The following CHRM3 variants were observed in gnomAD, a reference collection of about 807,000 sequenced individuals.
CHRM3 encodes the protein muscarinic acetylcholine receptor M3.
A neutral mutation model predicts 41.8 loss-of-function variants in CHRM3; 11 were observed. The observed-to-expected ratio is 0.26, with a 90% CI of 0.17 to 0.44. CHRM3 has a LOEUF of 0.44. Among genes scored for constraint, CHRM3 ranks in the 20% least tolerant of loss-of-function variants. The probability of loss-of-function intolerance (pLI) is 1.00; values close to 1 mark genes in which losing one functional copy is unlikely to be tolerated. For missense variants in CHRM3, 571 were observed against 745.4 expected, an observed-to-expected ratio of 0.77 and a Z score of 2.72; for synonymous variants, 297 against 301.4, an observed-to-expected ratio of 0.99 and a Z score of 0.15.
chr1:239,743,585 C>T (rs1665048185), intron 5 of CHRM3, among the ~76,000 whole-genome samples: 1 of 152,066 alleles, frequency 6.6e-6, no homozygotes, highest in Admixed American at 6.6e-5. Flanking sequence ...AGTTCTTCCA[C>T]TTCACATACG....
chr1:239,601,019 C>A (rs191602909), intron 3 of CHRM3, among the ~76,000 whole-genome samples: 15 of 152,252 alleles, frequency 9.9e-5, no homozygotes, highest in African/African-American at 3.1e-4. Flanking sequence ...AATTTTAAAG[C>A]TTAATGATAG....
intron 3 of CHRM3, among the ~76,000 whole-genome samples, chr1:239,585,196 A>G (rs1663287491): frequency 6.6e-6 from 1 of 152,106 alleles, no homozygotes; most frequent in Non-Finnish European, 1.5e-5. Context: ...TGCTAAAAGG[A>G]TAATAATCTG....
intron 5 of CHRM3, among the ~76,000 whole-genome samples, chr1:239,817,023 G>T (rs1050021144): frequency 1.3e-5 from 2 of 152,096 alleles, no homozygotes; most frequent in Admixed American, 6.6e-5. Flanking sequence ...ACGCCCAGCT[G>T]CCTCAGTCTT....
intron 1 of CHRM3, among the ~76,000 whole-genome samples, chr1:239,458,580 G>A (rs1572374167): frequency 6.6e-6 from 1 of 152,128 alleles, no homozygotes; most frequent in African/African-American, 2.4e-5. Context: ...ATAAAGTAAA[G>A]CATAATAATT....
chr1:239,616,523 A>C (rs536719836), intron 3 of CHRM3, among the ~76,000 whole-genome samples: 1 of 152,326 alleles, frequency 6.6e-6, no homozygotes, highest in African/African-American at 2.4e-5. Flanking sequence ...GCCAGCAGGA[A>C]AAAGCTGTAT....
chr1:239,597,776 C>T (rs2148669065), intron 3 of CHRM3, among the ~76,000 whole-genome samples: 1 of 149,872 alleles, frequency 6.7e-6, no homozygotes, highest in Admixed American at 6.6e-5. Context: ...CAGCATTTCT[C>T]ATCTTCTGTA....
chr1:239,605,944 C>T (rs893642633), intron 3 of CHRM3: 1 of 152,078 alleles, frequency 6.6e-6, no homozygotes, highest in Non-Finnish European at 1.5e-5. Flanking sequence ...TTACCATGGT[C>T]AAAACTATTT....
chr1:239,573,764 G>A (rs747197100), intron 3 of CHRM3, among the ~76,000 whole-genome samples: 3 of 152,016 alleles, frequency 2.0e-5, no homozygotes, highest in African/African-American at 4.8e-5. Context: ...CAAGCATTTT[G>A]TGTGTATATA....
intron 5 of CHRM3, among the ~76,000 whole-genome samples, chr1:239,688,708 A>T: frequency 7.5e-6 from 1 of 133,722 alleles, no homozygotes; most frequent in Admixed American, 8.3e-5. Context: ...TATTATATAT[A>T]ATACATTATT....
At chr1:239,794,653 G>C (rs1448038506) in intron 5 of CHRM3, among the ~76,000 whole-genome samples, 1 of 152,040 alleles carries the variant, frequency 6.6e-6, no homozygotes, top group African/African-American at 2.4e-5. Flanking sequence ...TACAAATTCG[G>C]TGGCTTATTT....
intron 3 of CHRM3, among the ~76,000 whole-genome samples, chr1:239,592,927 C>A (rs1448273241): frequency 6.6e-6 from 1 of 152,024 alleles, no homozygotes. Context: ...TCCCACTCCA[C>A]CCCAGATCCG....
intron 5 of CHRM3, among the ~76,000 whole-genome samples, chr1:239,753,573 C>A (rs1376642868): frequency 1.3e-5 from 2 of 152,124 alleles, no homozygotes; most frequent in African/African-American, 4.8e-5. Flanking sequence ...GGGAGAAATC[C>A]ACCCCCATGA....
chr1:239,617,565 C>A (rs1667770356), intron 3 of CHRM3, among the ~76,000 whole-genome samples: 1 of 151,978 alleles, frequency 6.6e-6, no homozygotes, highest in Admixed American at 6.6e-5. Flanking sequence ...TCTCTACAAA[C>A]AAATTTAAAA....
chr1:239,404,382 A>AAG (rs1409439857), intron 1 of CHRM3, among the ~76,000 whole-genome samples: 3 of 78,458 alleles, frequency 3.8e-5, no homozygotes, highest in African/African-American at 1.6e-4. Flanking sequence ...GAAAGAAAGA[A>AAG]AGAAAGAAAG....
Position 239,722,255 on chromosome 1 carries a change from CT to C in CHRM3, c.-147+43970del, listed in dbSNP as rs543950297. ...CAATTTTCACTCTTGTGAAATGCAT[CT>C]TTGTTTCAGTCAGGTTGACTCAATA... is the stretch of plus-strand genomic sequence containing the variant. On this transcript the variant is annotated intron_variant, in intron 5 of 6. Coordinates refer to ENST00000676153, the MANE Select transcript of CHRM3 (RefSeq NM_001375978.1). 6.6e-5 allele frequency among the ~76,000 whole-genome samples: 10 copies of C among 151,952 alleles called. No individual in the cohort carries two copies. The South Asian group carries it at 2.1e-3, about 32-fold the overall frequency.
At chr1:239,642,564 C>T (rs1470256559) in intron 4 of CHRM3, among the ~76,000 whole-genome samples, 1 of 152,214 alleles carries the variant, frequency 6.6e-6, no homozygotes, top group African/African-American at 2.4e-5. Context: ...GCATCGGCTC[C>T]TGAGGCTTCT....
intron 5 of CHRM3, among the ~76,000 whole-genome samples, chr1:239,785,451 T>TTTAG (rs1291091748): frequency 6.6e-6 from 1 of 152,176 alleles, no homozygotes; most frequent in East Asian, 1.9e-4. Context: ...AATAGAAAAA[T>TTTAG]AAATTGTGTA....
chr1:239,902,797 T>G (rs1679680732), intron 6 of CHRM3, among the ~76,000 whole-genome samples: 1 of 152,196 alleles, frequency 6.6e-6, no homozygotes, highest in Non-Finnish European at 1.5e-5. Context: ...CTCTTGTCCT[T>G]TGGATGTTGT....
At chr1:239,660,317 CTCCAAATGT>C in intron 4 of CHRM3, among the ~76,000 whole-genome samples, 1 of 152,170 alleles carries the variant, frequency 6.6e-6, no homozygotes, top group African/African-American at 2.4e-5. Context: ...GATTACTGTC[CTCCAAATGT>C]TACTTTTACT....
Sources: gnomAD v4.1 joint callset for allele counts (sites outside exome capture counted in the v4.1 genomes callset) on GRCh38, gnomAD v4.1.1 for gene constraint, MANE v1.5 for transcripts, NCBI Gene and HGNC (gene_info 2026-07-23, HGNC 2026-07-21) for gene names.